Variants in AGO1 observed in about 807,000 individuals in gnomAD.
AGO1 encodes the protein protein argonaute-1.
Under a neutral mutation model 109.2 loss-of-function variants are expected in AGO1, and 11 were observed. The ratio of observed to expected loss-of-function variants is 0.10; its 90% CI spans 0.06 to 0.17. The LOEUF is 0.17. AGO1 is among the 10% of genes least tolerant of loss of function. The pLI is 1.00. For synonymous variants in AGO1, 422 were observed against 418.6 expected (o/e 1.01, Z -0.10); for missense variants, 574 against 1,140.3 (o/e 0.50, Z 7.15).
At position 35,902,043 on chromosome 1, in the gene AGO1, G is replaced by A. The variant is rs377394072; in HGVS notation, c.1236G>A (p.Pro412=). ...DMTEVTGRVL[P]APILQYGGRN... ...CGGAGGTGACAGGGCGAGTGCTGCC[G>A]GCGCCCATCTTGCAGTACGGCGGCC... The change falls in exon 10 of 19, where the codon CCG becomes CCA. Residue 412 remains proline (P), a synonymous_variant. Coordinates refer to ENST00000373204, the MANE Select transcript of AGO1 (RefSeq NM_012199.5). 8.1e-6 allele frequency: 13 copies of A among 1,609,184 alleles called. No individual in the cohort carries two copies. Among genetic ancestry groups the A allele is most frequent in the African/African-American group, 2.7e-5 (2 of 74,678 alleles).
chr1:35,911,911 G>T (rs1398321767), intron 12 of AGO1, among the ~76,000 whole-genome samples: 1 of 152,058 alleles, frequency 6.6e-6, no homozygotes, highest in Non-Finnish European at 1.5e-5. Context: ...TGGCACTCGT[G>T]ATACAACACT....
rs1233292745 is a variant in AGO1 at position 35,926,177 on chromosome 1, T to C, written c.*6570T>C. The C allele has an allele frequency of 1.3e-5, 2 of 152,210 alleles. No individual in the cohort carries two copies. The highest frequency in any genetic ancestry group is 2.9e-5 in the Non-Finnish European group (2 of 68,034). 9.4% of individuals were successfully genotyped at this position (152,210 alleles called of 1,614,324 possible). A position where few individuals can be genotyped will look rare whatever the true frequency, so the allele number is the denominator to read the frequency against. On this transcript the variant is annotated 3_prime_UTR_variant, in exon 19 of 19. Transcript: ENST00000373204. Reference sequence around the variant, plus strand: ...AGGGGGAATAGGAGGAGGATGATTATGGCAAATTTTGCTATAAACTTTAGT... The same window carrying C: ...AGGGGGAATAGGAGGAGGATGATTACGGCAAATTTTGCTATAAACTTTAGT...
chr1:35,903,071 T>C (rs914823120), intron 11 of AGO1, among the ~76,000 whole-genome samples: 41 of 147,728 alleles, frequency 2.8e-4, no homozygotes, highest in African/African-American at 9.2e-4. Context: ...AGTGGCACGA[T>C]CTTGGCTCAC....
chr1:35,886,310 G>A (rs974596033), intron 1 of AGO1, among the ~76,000 whole-genome samples: 12 of 152,156 alleles, frequency 7.9e-5, no homozygotes, highest in Admixed American at 1.3e-4. Flanking sequence ...TAAGGGGGGC[G>A]GGGAGGAGAC....
rs115528846 is a variant in AGO1 at position 35,924,839 on chromosome 1, G to A, written c.*5232G>A. On this transcript the variant is annotated 3_prime_UTR_variant, in exon 19 of 19. Transcript: ENST00000373204. ...CAGAATGTTGTATAGACTGAGTTTT[G>A]AGGTGTTTGTGGGGCAGTAAGGGTA... 6.6e-6 allele frequency: 1 copy of A among 152,296 alleles called. No individual in the cohort carries two copies. Among genetic ancestry groups the A allele is most frequent in the Non-Finnish European group, 1.5e-5 (1 of 68,054 alleles). 9.4% of individuals were successfully genotyped at this position (152,296 alleles called of 1,614,324 possible).
chr1:35,882,992 G>A, upstream of AGO1: 1 of 931,014 alleles, frequency 1.1e-6, no homozygotes. The surrounding 1 kb of genome is among the most constrained non-coding windows in gnomAD (Gnocchi z 5.1). Flanking sequence ...GCTGTGGCGG[G>A]ATGTCCCTTC....
chr1:35,906,298 G>A (rs1328402216), intron 11 of AGO1, among the ~76,000 whole-genome samples: 4 of 152,184 alleles, frequency 2.6e-5, no homozygotes, highest in African/African-American at 9.6e-5. Flanking sequence ...GGCCTTACAC[G>A]TGGGCATCTG....
At chr1:35,873,019 C>CT (rs1474552353) in intron 1 of AGO1, among the ~76,000 whole-genome samples, 19 of 151,288 alleles carry the variant, frequency 1.3e-4, no homozygotes, top group Non-Finnish European at 2.5e-4. Context: ...TCCCAAGTAG[C>CT]TAAGATTACA....
chr1:35,882,857 G>T (rs1320895910), upstream of AGO1: 2 of 985,334 alleles, frequency 2.0e-6, no homozygotes, highest in Non-Finnish European at 1.2e-6. The surrounding 1 kb of genome is among the most constrained non-coding windows in gnomAD (Gnocchi z 5.1). Flanking sequence ...GGGCGCTGGA[G>T]TGCCAGGGGG....
rs1645269630 is a variant in AGO1 at position 35,893,939 on chromosome 1, T to C, written c.650-98T>C. On this transcript the variant is annotated intron_variant, in intron 5 of 18. Transcript: ENST00000373204. This position sits in a 1 kb window ranked among gnomAD's most constrained non-coding sequence, Gnocchi z 5.6. Reference sequence around the variant, plus strand: ...ACAGCCCTGGCACCCCCTTCCCCCATCCCAATGCCCTTTAAGGAAGAGGGT... The same window carrying C: ...ACAGCCCTGGCACCCCCTTCCCCCACCCCAATGCCCTTTAAGGAAGAGGGT... 9.2e-6 allele frequency: 14 copies of C among 1,522,104 alleles called. No homozygotes were observed. The highest frequency in any genetic ancestry group is 5.3e-6 in the Non-Finnish European group (6 of 1,130,958). The allele number at this position is 1,522,104 out of a possible 1,614,324, so 94.3% of individuals were successfully genotyped here. A position where few individuals can be genotyped will look rare whatever the true frequency, so the allele number is the denominator to read the frequency against.
rs1645880102 is a variant in AGO1 at position 35,924,018 on chromosome 1, ACTC to A, written c.*4412_*4414del. The A allele has an allele frequency of 1.3e-5, 2 of 152,716 alleles. No individual in the cohort carries two copies. Among genetic ancestry groups the A allele is most frequent in the African/African-American group, 4.8e-5 (2 of 41,550 alleles). The allele number at this position is 152,716 out of a possible 1,614,324, so 9.5% of individuals were successfully genotyped here. ...AGCCATGTGGTGGGCATGTGTGACT[ACTC>A]TGGTTTTCACTTTAGTTTCTAAACT... On this transcript the variant is annotated 3_prime_UTR_variant, in exon 19 of 19. Transcript: ENST00000373204.
Position 35,883,303 on chromosome 1 carries a change from C to A in AGO1, c.-119C>A. The A allele has an allele frequency of 6.8e-7, 1 of 1,467,740 alleles. No homozygotes were observed. Among genetic ancestry groups the A allele is most frequent in the South Asian group, 1.4e-5 (1 of 73,798 alleles). The allele number at this position is 1,467,740 out of a possible 1,614,324, so 90.9% of individuals were successfully genotyped here. A position where few individuals can be genotyped will look rare whatever the true frequency, so the allele number is the denominator to read the frequency against. On this transcript the variant is annotated 5_prime_UTR_variant, in exon 1 of 19. Transcript: ENST00000373204. The surrounding 1 kb of genome is among the most constrained non-coding windows in gnomAD (Gnocchi z 5.4). Reference sequence around the variant, plus strand: ...GGGGGCGGCGGCGCGAGCGGCCGGGCTTGGTAGGGGAGCCGAGCCCGGCCC... The same window carrying A: ...GGGGGCGGCGGCGCGAGCGGCCGGGATTGGTAGGGGAGCCGAGCCCGGCCC...
At position 35,917,577 on chromosome 1, in the gene AGO1, AT is replaced by A; in HGVS notation, c.2029-9del. Reference sequence around the variant, plus strand: ...TGTGTATTTCTTTGTTTCCCTCCCCATTTTTTTGTGCCTAGATACTCCACTA... The same window carrying A: ...TGTGTATTTCTTTGTTTCCCTCCCCATTTTTTGTGCCTAGATACTCCACTA... On this transcript the variant is annotated splice_polypyrimidine_tract_variant and intron_variant, in intron 15 of 18. Coordinates refer to ENST00000373204, the MANE Select transcript of AGO1 (RefSeq NM_012199.5). The A allele has an allele frequency of 4.4e-6, 7 of 1,604,154 alleles. No individual in the cohort carries two copies. The highest frequency in any genetic ancestry group is 2.2e-5 in the East Asian group (1 of 44,684).
chr1:35,916,375 CT>C (rs1043678754), intron 15 of AGO1, among the ~76,000 whole-genome samples: 13 of 151,398 alleles, frequency 8.6e-5, no homozygotes, highest in Admixed American at 2.6e-4. Flanking sequence ...TTCTTTTTTT[CT>C]TTTTTTTGGG....
upstream of AGO1, among the ~76,000 whole-genome samples, chr1:35,878,672 A>G (rs181057423): frequency 1.2e-4 from 18 of 152,264 alleles, no homozygotes; most frequent in Admixed American, 1.2e-3. Context: ...TTCTTAACTC[A>G]GGTTATTTTG....
chr1:35,892,573 A>T lies in AGO1; in HGVS notation c.226A>T (p.Met76Leu). ...RRVNREVVEY[M>L]VQHFKPQIFG... ...CCCCCACAGGGAAGTGGTGGAATACATGGTCCAGCATTTCAAGCCTCAGAT... is the reference window on the plus strand; with the variant it reads ...CCCCCACAGGGAAGTGGTGGAATACTTGGTCCAGCATTTCAAGCCTCAGAT... The change falls in exon 3 of 19, where the codon ATG becomes TTG. Residue 76 changes from methionine to leucine, a missense_variant. Met to Leu is a conservative substitution (Grantham distance 15, BLOSUM62 2). This residue lies in a region of AGO1 where 89 missense variants were observed against 109.6 expected (regional missense o/e 0.81). Coordinates refer to ENST00000373204, the MANE Select transcript of AGO1 (RefSeq NM_012199.5). 6.2e-7 allele frequency: 1 copy of T among 1,614,220 alleles called. No individual in the cohort carries two copies.
rs1191993432 is a variant in AGO1, at chr1:35,918,400, C to T, written c.2242C>T (p.Leu748=). 6.2e-7 allele frequency: 1 copy of T among 1,614,146 alleles called. No individual in the cohort carries two copies. The highest frequency in any genetic ancestry group is 1.7e-5 in the Admixed American group (1 of 60,030). ...ITHPFEFDFY[L]CSHAGIQGTS... ...CCACCCATTTGAGTTTGACTTCTAT[C>T]TGTGCAGCCACGCAGGCATCCAGGT... is the stretch of plus-strand genomic sequence containing the variant. The change falls in exon 17 of 19, where the codon CTG becomes TTG. Residue 748 remains leucine (L), a synonymous_variant. Transcript: ENST00000373204.
intron 2 of AGO1, among the ~76,000 whole-genome samples, chr1:35,890,004 C>T (rs567797864): frequency 1.3e-4 from 20 of 151,954 alleles, no homozygotes; most frequent in African/African-American, 3.6e-4. Context: ...CGTGAGCCAC[C>T]GTGCCTGACC....
rs1476134044 is a variant in AGO1 at position 35,928,770 on chromosome 1, C to CT, written c.*9169dup. 6.6e-6 allele frequency: 1 copy of CT among 152,118 alleles called. No individual in the cohort carries two copies. The highest frequency in any genetic ancestry group is 2.4e-5 in the African/African-American group (1 of 41,382). 9.4% of individuals were successfully genotyped at this position (152,118 alleles called of 1,614,324 possible). A position where few individuals can be genotyped will look rare whatever the true frequency, so the allele number is the denominator to read the frequency against. On this transcript the variant is annotated 3_prime_UTR_variant, in exon 19 of 19. Coordinates refer to ENST00000373204, the MANE Select transcript of AGO1 (RefSeq NM_012199.5). ...GAATTTATTAAAGCTCCGTTTGTTG[C>CT]TTTTTTCTGTTCTAGTTTATACTTT...
Sources: allele counts gnomAD v4.1 joint callset (sites outside exome capture counted in the v4.1 genomes callset), GRCh38; gene constraint gnomAD v4.1.1; regional missense constraint gnomAD v4.1.1; non-coding constraint Gnocchi (gnomAD v3.1); transcripts MANE v1.5; gene names NCBI Gene and HGNC (gene_info 2026-07-23, HGNC 2026-07-21).